Variants in AK7 observed in about 807,000 individuals in gnomAD.
The protein encoded by AK7 is ATP-AMP transphosphorylase 7.
A neutral mutation model predicts 96.6 loss-of-function variants in AK7; 78 were observed. The observed-to-expected ratio is 0.81, with a 90% confidence interval of 0.67 to 0.97. The LOEUF is 0.97. Among genes scored for constraint, AK7 ranks in the 50% least tolerant of loss-of-function variants. The probability of loss-of-function intolerance (pLI) is 0.00; values close to 1 mark genes in which losing one functional copy is unlikely to be tolerated. For missense variants in AK7, 855 were observed against 887.9 expected (o/e 0.96, Z 0.47); for synonymous variants, 302 against 317.2 (o/e 0.95, Z 0.51).
At position 96,437,819 on chromosome 14, in the gene AK7, G is replaced by C. The variant is rs1449299748; in HGVS notation, c.610-16G>C. On this transcript the variant is annotated splice_polypyrimidine_tract_variant and intron_variant, in intron 5 of 17. Coordinates refer to ENST00000267584, the MANE Select transcript of AK7 (RefSeq NM_152327.5). ...ATATTACATCCAGCTTTTTTTTTCT[G>C]TATTTTATCTAATAGGCCAGAAAAT... 1.4e-5 allele frequency: 22 copies of C among 1,576,666 alleles called. No homozygotes were observed. The highest frequency in any genetic ancestry group is 1.9e-5 in the Non-Finnish European group (22 of 1,160,960).
intron 3 of AK7, chr14:96,405,090 A>G (rs560519907): frequency 7.6e-6 from 2 of 261,466 alleles, no homozygotes; most frequent in East Asian, 1.3e-4. Context: ...TCATGCCTGT[A>G]ATCCTAATAC....
At chr14:96,433,071 AACTCG>A (rs557966284) in intron 5 of AK7, among the ~76,000 whole-genome samples, 301 of 152,262 alleles carry the variant, frequency 2.0e-3, no homozygotes, top group African/African-American at 7.0e-3. Context: ...CTTTGTGGGT[AACTCG>A]ACCTTTCTCT....
In AK7 at chr14:96,418,322, T is replaced by TAAAAAAAAA. The variant is rs6145458; in HGVS notation, c.499-2493_499-2485dup. ...CTGGGCAACAGAGTGAGACCTTGTC[T>TAAAAAAAAA]AAAAAAAAAAAAAAAGGCTTCAAAT... On this transcript the variant is annotated intron_variant, in intron 4 of 17. Transcript: ENST00000267584. Among the ~76,000 whole-genome samples the TAAAAAAAAA allele has an allele frequency of 7.7e-4, 32 of 41,824 alleles. 5 individuals carry two copies. In the East Asian group the frequency reaches 0.012, roughly 16 times the overall value. 27.4% of individuals were successfully genotyped at this position (41,824 alleles called of 152,430 possible).
intron 6 of AK7, among the ~76,000 whole-genome samples, chr14:96,438,205 A>G (rs1270017349): frequency 1.3e-5 from 2 of 152,216 alleles, no homozygotes; most frequent in Admixed American, 1.3e-4. Flanking sequence ...GGGATACAGT[A>G]AAATAATAAA....
chr14:96,455,292 C>T (rs1386428452), intron 10 of AK7, among the ~76,000 whole-genome samples: 2 of 152,064 alleles, frequency 1.3e-5, no homozygotes, highest in African/African-American at 4.8e-5. Flanking sequence ...TGGGACCAGC[C>T]TGAACCACAC....
At chr14:96,410,003 T>C (rs1890945870) in intron 4 of AK7, among the ~76,000 whole-genome samples, 1 of 152,190 alleles carries the variant, frequency 6.6e-6, no homozygotes, top group Non-Finnish European at 1.5e-5. Context: ...GATACACCAT[T>C]GATCCCAGAT....
At chr14:96,414,341 T>G (rs1047066639) in intron 4 of AK7, among the ~76,000 whole-genome samples, 1 of 152,160 alleles carries the variant, frequency 6.6e-6, no homozygotes, top group Admixed American at 6.5e-5. Context: ...TGACTAAAAC[T>G]CAGCCCATAG....
At chr14:96,439,157 T>C (rs1595414566) in intron 6 of AK7, among the ~76,000 whole-genome samples, 1 of 152,164 alleles carries the variant, frequency 6.6e-6, no homozygotes, top group Non-Finnish European at 1.5e-5. Flanking sequence ...TCTGGAGATA[T>C]AATCATGGGA....
At chr14:96,456,544 T>A in intron 11 of AK7, 69 bp downstream of exon 11, 1 of 1,541,152 alleles carries the variant, frequency 6.5e-7, no homozygotes, top group Non-Finnish European at 8.8e-7. Context: ...TATAAAGATG[T>A]ATATGATTCG....
At chr14:96,420,186 G>C (rs887303870) in intron 4 of AK7, among the ~76,000 whole-genome samples, 6 of 151,104 alleles carry the variant, frequency 4.0e-5, no homozygotes, top group African/African-American at 1.5e-4. Flanking sequence ...TTTTTAAGAA[G>C]AGTAAATCAC....
At chr14:96,414,323 A>C (rs532387572) in intron 4 of AK7, among the ~76,000 whole-genome samples, 21 of 152,322 alleles carry the variant, frequency 1.4e-4, no homozygotes, top group Non-Finnish European at 2.9e-4. Context: ...CACTTCTGCA[A>C]ATTTCTTTGA....
At chr14:96,455,660 T>C (rs1470819329) in intron 10 of AK7, among the ~76,000 whole-genome samples, 2 of 152,196 alleles carry the variant, frequency 1.3e-5, no homozygotes, top group African/African-American at 4.8e-5. Context: ...ACTGGCAGTG[T>C]GTAATTCCTG....
At chr14:96,395,957 A>G (rs933341427) in intron 1 of AK7, among the ~76,000 whole-genome samples, 5 of 151,596 alleles carry the variant, frequency 3.3e-5, no homozygotes, top group African/African-American at 1.2e-4. Flanking sequence ...GATTACAGGC[A>G]TGTGCCACCA....
At chr14:96,407,521 C>G (rs574050037) in intron 3 of AK7, among the ~76,000 whole-genome samples, 100 of 151,770 alleles carry the variant, frequency 6.6e-4, no homozygotes, top group African/African-American at 2.4e-3. Context: ...TTACTTAGCC[C>G]CTCTGACAGT....
At chr14:96,400,641 A>G (rs1284014147) in intron 2 of AK7, among the ~76,000 whole-genome samples, 1 of 152,176 alleles carries the variant, frequency 6.6e-6, no homozygotes, top group Non-Finnish European at 1.5e-5. Flanking sequence ...TAGTTCATAC[A>G]CAGTGACGCT....
At chr14:96,428,465 T>C (rs1892158861) in intron 5 of AK7, among the ~76,000 whole-genome samples, 1 of 152,236 alleles carries the variant, frequency 6.6e-6, no homozygotes, top group Non-Finnish European at 1.5e-5. Context: ...TTATAATCCT[T>C]TGGGTATATA....
chr14:96,453,333 G>A (rs538044574), intron 10 of AK7, among the ~76,000 whole-genome samples: 50 of 152,150 alleles, frequency 3.3e-4, no homozygotes, highest in Admixed American at 2.5e-3. Context: ...TGAAGAGACC[G>A]TATGGTTCCC....
intron 4 of AK7, among the ~76,000 whole-genome samples, chr14:96,413,278 C>T (rs1891146415): frequency 6.6e-6 from 1 of 152,190 alleles, no homozygotes; most frequent in African/African-American, 2.4e-5. Flanking sequence ...TGGTTGCTTC[C>T]CACCTGCCCC....
chr14:96,420,114 C>A (rs140053955), intron 4 of AK7, among the ~76,000 whole-genome samples: 1 of 151,766 alleles, frequency 6.6e-6, no homozygotes, highest in Non-Finnish European at 1.5e-5. Flanking sequence ...AATCCGCCCA[C>A]CTTGGCCTCC....
Sources: gnomAD v4.1 joint callset for allele counts (sites outside exome capture counted in the v4.1 genomes callset) on GRCh38, gnomAD v4.1.1 for gene constraint, MANE v1.5 for transcripts, NCBI Gene and HGNC (gene_info 2026-07-23, HGNC 2026-07-21) for gene names.